MMP26: variants seen among roughly 807,000 people sequenced by gnomAD.
The protein encoded by MMP26 is matrix metalloproteinase-26.
A neutral mutation model predicts 31.0 loss-of-function variants in MMP26; 33 were observed. The ratio of observed to expected loss-of-function variants is 1.06; its 90% CI spans 0.81 to 1.42. The LOEUF (loss-of-function observed/expected upper bound fraction) is 1.42. MMP26 is among the 40% of genes most tolerant of loss of function. MMP26 has a pLI of 0.00. For missense variants in MMP26, 347 were observed against 316.1 expected, an observed-to-expected ratio of 1.10 and a Z score of -0.74; for synonymous variants, 122 against 114.9, an observed-to-expected ratio of 1.06 and a Z score of -0.40.
At chr11:4,945,857 T>C in intron 2 of MMP26, 1 of 386,942 alleles carries the variant, frequency 2.6e-6, no homozygotes, top group Non-Finnish European at 4.7e-6. Context: ...TAATGAGAAA[T>C]CCAACTTCTG....
chr11:4,815,714 A>T (rs1172777363), intron 2 of MMP26, among the ~76,000 whole-genome samples: 1 of 152,202 alleles, frequency 6.6e-6, no homozygotes, highest in Non-Finnish European at 1.5e-5. Context: ...ATAACCAAGT[A>T]TGAATTAAAA....
At chr11:4,801,522 T>C (rs1361816150) in intron 2 of MMP26, among the ~76,000 whole-genome samples, 2 of 147,414 alleles carry the variant, frequency 1.4e-5, no homozygotes, top group African/African-American at 5.0e-5. Context: ...ATTTATTTAT[T>C]TATTTATTTA....
chr11:4,865,181 T>G (rs1850217556), intron 2 of MMP26, among the ~76,000 whole-genome samples: 1 of 152,096 alleles, frequency 6.6e-6, no homozygotes. Context: ...AAATTATAAA[T>G]TAATTGCCAA....
At chr11:4,987,646 C>T (rs1846925421) in intron 2 of MMP26, among the ~76,000 whole-genome samples, 4 of 151,740 alleles carry the variant, frequency 2.6e-5, no homozygotes, top group Admixed American at 6.6e-5. Context: ...TCTCGATCTC[C>T]TGACTTGTGA....
rs959858489 is a variant in MMP26, at chr11:4,916,146, G to C, written c.-144-71922G>C. Among the ~76,000 whole-genome samples the C allele has an allele frequency of 7.6e-5, 10 of 132,314 alleles. No homozygotes were observed. The South Asian group carries it at 2.6e-3, about 34-fold the overall frequency. 86.8% of individuals were successfully genotyped at this position (132,314 alleles called of 152,430 possible). ...ATCCTGGCTAACACAGTGAAACCCA[G>C]TCTCTACTAAAAAAAAAAAATGGTG... is the stretch of plus-strand genomic sequence containing the variant. On this transcript the variant is annotated intron_variant, in intron 2 of 7. Transcript: ENST00000380390.
intron 1 of MMP26, among the ~76,000 whole-genome samples, chr11:4,765,709 GA>G (rs1050901146): frequency 1.3e-5 from 2 of 152,152 alleles, no homozygotes; most frequent in African/African-American, 4.8e-5. Context: ...GTGATTAGTG[GA>G]AAAGAGCTAC....
intron 2 of MMP26, among the ~76,000 whole-genome samples, chr11:4,935,049 G>A (rs1464876671): frequency 6.6e-6 from 1 of 151,662 alleles, no homozygotes; most frequent in Non-Finnish European, 1.5e-5. Flanking sequence ...GGATTGACTT[G>A]GCAATGTGGG....
chr11:4,812,066 TA>T (rs1163527259), intron 2 of MMP26, among the ~76,000 whole-genome samples: 1 of 152,186 alleles, frequency 6.6e-6, no homozygotes, highest in Non-Finnish European at 1.5e-5. Context: ...TTGGTTACGA[TA>T]AACTTATAGT....
intron 2 of MMP26, among the ~76,000 whole-genome samples, chr11:4,965,701 G>A (rs766672971): frequency 5.3e-5 from 8 of 152,106 alleles, no homozygotes; most frequent in East Asian, 1.9e-4. Flanking sequence ...TTGTTCTTTC[G>A]TTGCCTTTGA....
chr11:4,904,608 C>T (rs1441297904), intron 2 of MMP26, among the ~76,000 whole-genome samples: 2 of 152,100 alleles, frequency 1.3e-5, no homozygotes, highest in Admixed American at 1.3e-4. Context: ...TACCACCTAT[C>T]ATGTCAGTAC....
At chr11:4,937,280 C>T (rs1335890178) in intron 2 of MMP26, 2 of 152,196 alleles carry the variant, frequency 1.3e-5, no homozygotes, top group African/African-American at 2.4e-5. Context: ...GTAAAGTATA[C>T]TTTCTCCCAG....
chr11:4,962,702 G>A (rs999190452), intron 2 of MMP26, among the ~76,000 whole-genome samples: 11 of 152,160 alleles, frequency 7.2e-5, no homozygotes, highest in Non-Finnish European at 1.6e-4. Flanking sequence ...ATTTCCGAAA[G>A]TTGGCACAAC....
chr11:4,932,157 C>A (rs1002483945), intron 2 of MMP26, among the ~76,000 whole-genome samples: 2 of 151,970 alleles, frequency 1.3e-5, no homozygotes, highest in African/African-American at 4.8e-5. Context: ...CAGGCACAGA[C>A]ACACAGGTGG....
chr11:4,925,458 A>G (rs975287767), intron 2 of MMP26, among the ~76,000 whole-genome samples: 18 of 152,134 alleles, frequency 1.2e-4, no homozygotes, highest in African/African-American at 3.6e-4. Flanking sequence ...TGTTTTAGAG[A>G]CCGAGTCCAG....
At chr11:4,715,317 T>C (rs890882783) in intron 1 of MMP26, among the ~76,000 whole-genome samples, 2 of 136,460 alleles carry the variant, frequency 1.5e-5, no homozygotes, top group African/African-American at 5.5e-5. Context: ...CAAGCTGTTA[T>C]CAAATAAAGT....
chr11:4,831,043 G>A (rs1849639457), intron 2 of MMP26, among the ~76,000 whole-genome samples: 1 of 152,192 alleles, frequency 6.6e-6, no homozygotes, highest in Non-Finnish European at 1.5e-5. Flanking sequence ...CCTAACTCGG[G>A]TCAATATGAG....
At chr11:4,860,059 G>A (rs1019086057) in intron 2 of MMP26, 17 of 471,038 alleles carry the variant, frequency 3.6e-5, no homozygotes, top group African/African-American at 6.0e-5. Flanking sequence ...ATGGCAGAAG[G>A]GTAGGCACTT....
At chr11:4,844,138 C>A (rs1053145279) in intron 2 of MMP26, among the ~76,000 whole-genome samples, 5 of 152,048 alleles carry the variant, frequency 3.3e-5, no homozygotes, top group Non-Finnish European at 5.9e-5. Context: ...CTATCACGAG[C>A]AAGTATATGC....
At position 4,773,071 on chromosome 11, in the gene MMP26, G is replaced by A. The variant is rs950362695; in HGVS notation, c.-145+5730G>A. 5.9e-5 allele frequency among the ~76,000 whole-genome samples: 9 copies of A among 152,120 alleles called. No homozygotes were observed. In the South Asian group the frequency reaches 1.2e-3, roughly 21 times the overall value. On this transcript the variant is annotated intron_variant, in intron 2 of 7. Coordinates refer to ENST00000380390, the MANE Select transcript of MMP26 (RefSeq NM_021801.5). ...TCAGAAATAAATAATTAAAAGTTTC[G>A]CCTCTGTTGTCTTAAAGAGCTAACT...
Sources: allele counts gnomAD v4.1 joint callset (sites outside exome capture counted in the v4.1 genomes callset), GRCh38; gene constraint gnomAD v4.1.1; transcripts MANE v1.5; gene names NCBI Gene and HGNC (gene_info 2026-07-23, HGNC 2026-07-21).